Variants in ADGRG7 observed in about 807,000 individuals in gnomAD.
The protein encoded by ADGRG7 is adhesion G protein-coupled receptor G7.
A neutral mutation model predicts 88.6 loss-of-function variants in ADGRG7; 82 were observed. The ratio of observed to expected loss-of-function variants is 0.93; its 90% CI spans 0.77 to 1.11. The LOEUF is 1.11. Ranked by LOEUF, ADGRG7 falls within the 50% of genes most tolerant of loss-of-function variation. The pLI is 0.00. For synonymous variants in ADGRG7, 381 were observed against 345.2 expected (o/e 1.10, Z -1.15); for missense variants, 945 against 953.4 (o/e 0.99, Z 0.12).
intron 11 of ADGRG7, among the ~76,000 whole-genome samples, chr3:100,651,235 G>C (rs2094929040): frequency 6.6e-6 from 1 of 152,160 alleles, no homozygotes; most frequent in African/African-American, 2.4e-5. Flanking sequence ...GGGGGGAAAA[G>C]GCAGACATTA....
chr3:100,618,178 C>A (rs1370661425), intron 1 of ADGRG7, among the ~76,000 whole-genome samples: 1 of 152,184 alleles, frequency 6.6e-6, no homozygotes, highest in Non-Finnish European at 1.5e-5. Context: ...CCTGTTCACT[C>A]TGATGGTAGT....
chr3:100,649,103 A>G (rs2094923632), intron 10 of ADGRG7, among the ~76,000 whole-genome samples: 1 of 152,214 alleles, frequency 6.6e-6, no homozygotes, highest in South Asian at 2.1e-4. Flanking sequence ...AATGTCATGA[A>G]TAAGTGAGGC....
chr3:100,686,590 A>C (rs942923113), intron 15 of ADGRG7, among the ~76,000 whole-genome samples: 1 of 152,324 alleles, frequency 6.6e-6, no homozygotes, highest in South Asian at 2.1e-4. Context: ...AGCTTTCTAC[A>C]TATGGCTAGC....
chr3:100,618,841 A>G (rs1707264860), intron 1 of ADGRG7, among the ~76,000 whole-genome samples: 1 of 152,026 alleles, frequency 6.6e-6, no homozygotes, highest in African/African-American at 2.4e-5. Flanking sequence ...GATTCTTCCT[A>G]CCCATGAGCA....
chr3:100,659,833 A>C lies in ADGRG7; in HGVS notation c.1969A>C (p.Asn657His), dbSNP rs201072844. The change falls in exon 14 of 16, where the codon AAC becomes CAC. Residue 657 changes from asparagine (N) to histidine (H), a missense_variant. Asn to His is a moderately conservative substitution (Grantham distance 68, BLOSUM62 1). Transcript: ENST00000273352. The part of the protein sequence containing the change: ...SIKVLWKNNQ[N>H]LTSTKKVSSM... Reference sequence around the variant, plus strand: ...CAAAGTGCTGTGGAAGAATAACCAGAACCTGACAAGGTAAGATTCCCAATG... The same window carrying C: ...CAAAGTGCTGTGGAAGAATAACCAGCACCTGACAAGGTAAGATTCCCAATG... The C allele has an allele frequency of 5.6e-6, 9 of 1,613,670 alleles. No individual in the cohort carries two copies. The East Asian group carries it at 2.0e-4, about 36-fold the overall frequency.
At chr3:100,667,774 C>A (rs890377095) in intron 14 of ADGRG7, among the ~76,000 whole-genome samples, 3 of 152,006 alleles carry the variant, frequency 2.0e-5, no homozygotes, top group African/African-American at 7.2e-5. Context: ...AATGGTTGAA[C>A]TAATTTACAC....
chr3:100,630,857 T>A, intron 3 of ADGRG7, 48 bp downstream of exon 3: 3 of 1,037,038 alleles, frequency 2.9e-6, no homozygotes, highest in Non-Finnish European at 4.1e-6. Context: ...ATTACTATGC[T>A]GAGTCATACC....
At chr3:100,628,540 G>C (rs767388479) in intron 1 of ADGRG7, among the ~76,000 whole-genome samples, 4 of 151,980 alleles carry the variant, frequency 2.6e-5, no homozygotes, top group Admixed American at 1.3e-4. Flanking sequence ...ATTTTTAGTA[G>C]AGATGCGGTT....
chr3:100,677,420 T>C (rs1414926560), intron 15 of ADGRG7, among the ~76,000 whole-genome samples: 2 of 152,116 alleles, frequency 1.3e-5, no homozygotes, highest in Non-Finnish European at 2.9e-5. Flanking sequence ...AAAGTTGTTA[T>C]AGTTATTTTG....
At chr3:100,665,660 T>C (rs2094950850) in intron 14 of ADGRG7, among the ~76,000 whole-genome samples, 1 of 152,262 alleles carries the variant, frequency 6.6e-6, no homozygotes, top group African/African-American at 2.4e-5. Flanking sequence ...GTATGTTTAC[T>C]GAACATAAGT....
chr3:100,682,660 A>G (rs768389155), intron 15 of ADGRG7, among the ~76,000 whole-genome samples: 5 of 152,132 alleles, frequency 3.3e-5, no homozygotes, highest in Non-Finnish European at 5.9e-5. Context: ...GGCCACAAGA[A>G]GAACTTGCAG....
chr3:100,683,766 C>T (rs906989139), intron 15 of ADGRG7, among the ~76,000 whole-genome samples: 3 of 152,244 alleles, frequency 2.0e-5, no homozygotes, highest in Non-Finnish European at 4.4e-5. Flanking sequence ...AACAACACCC[C>T]AAGGATCCCA....
chr3:100,670,794 G>A (rs550543652), intron 15 of ADGRG7, among the ~76,000 whole-genome samples: 7 of 152,168 alleles, frequency 4.6e-5, no homozygotes, highest in East Asian at 3.9e-4. Context: ...TGCCACTTAC[G>A]AGTGAGAACA....
intron 15 of ADGRG7, among the ~76,000 whole-genome samples, chr3:100,688,723 T>G (rs1355795151): frequency 6.6e-6 from 1 of 152,240 alleles, no homozygotes; most frequent in Admixed American, 6.5e-5. Context: ...CTAGTTTGAT[T>G]GCACTGTGGT....
rs577698644 is a variant in ADGRG7 at position 100,676,278 on chromosome 3, A to G, written c.2136+7173A>G. 2.6e-5 allele frequency among the ~76,000 whole-genome samples: 4 copies of G among 152,082 alleles called. No individual in the cohort carries two copies. The East Asian group carries it at 7.7e-4, about 29-fold the overall frequency. ...CTTAGTACTACTTTCACTGTATCCC[A>G]TAAGTTTTGGTATGTTGTGTTTCCA... is the stretch of plus-strand genomic sequence containing the variant. On this transcript the variant is annotated intron_variant, in intron 15 of 15. Transcript: ENST00000273352.
chr3:100,645,831 A>C (rs1345104359), intron 8 of ADGRG7, 114 bp from the exon 9 acceptor site: 2 of 902,402 alleles, frequency 2.2e-6, no homozygotes, highest in African/African-American at 3.4e-5. Flanking sequence ...AACCATTTTT[A>C]CTGTACTTTA....
chr3:100,645,116 A>G (rs1707720256), intron 8 of ADGRG7, among the ~76,000 whole-genome samples: 1 of 152,232 alleles, frequency 6.6e-6, no homozygotes. Context: ...AAGACAACAG[A>G]GTTTAGGAAA....
At chr3:100,678,725 A>G (rs2094968894) in intron 15 of ADGRG7, among the ~76,000 whole-genome samples, 1 of 152,176 alleles carries the variant, frequency 6.6e-6, no homozygotes, top group African/African-American at 2.4e-5. Context: ...TTGGCATCTT[A>G]GGTAAGATCT....
At chr3:100,626,357 G>A (rs1165253) in intron 1 of ADGRG7, among the ~76,000 whole-genome samples, 42,166 of 151,874 alleles carry the variant, frequency 0.28, 6,336 homozygotes, top group Non-Finnish European at 0.34. Context: ...TTTTAAATCC[G>A]CTTGTTAATT....
Sources: allele counts gnomAD v4.1 joint callset (sites outside exome capture counted in the v4.1 genomes callset), GRCh38; gene constraint gnomAD v4.1.1; transcripts MANE v1.5; gene names NCBI Gene and HGNC (gene_info 2026-07-23, HGNC 2026-07-21).